CATSPER4: variants seen among roughly 807,000 people sequenced by gnomAD.
CATSPER4 encodes the protein cation channel sperm associated 4, also known as cation channel sperm-associated protein 4.
In CATSPER4, 46 loss-of-function variants were observed where a neutral mutation model predicts 54.4. The ratio of observed to expected loss-of-function variants is 0.84; its 90% CI spans 0.67 to 1.08. The LOEUF (loss-of-function observed/expected upper bound fraction) is 1.08. Ranked by LOEUF, CATSPER4 falls within the 50% of genes least tolerant of loss-of-function variation. The pLI, the probability that CATSPER4 is intolerant of heterozygous loss-of-function variation, is 0.00. For synonymous variants in CATSPER4, 230 were observed against 231.9 expected (o/e 0.99, Z 0.08); for missense variants, 574 against 612.8 (o/e 0.94, Z 0.67).
At chr1:26,194,508 T>G (rs889254794) in intron 3 of CATSPER4, among the ~76,000 whole-genome samples, 1 of 152,244 alleles carries the variant, frequency 6.6e-6, no homozygotes, top group Non-Finnish European at 1.5e-5. Context: ...GTCTCCATGA[T>G]GCTATGCACT....
chr1:26,197,651 C>A (rs372385306), intron 3 of CATSPER4, 35 bp from the exon 4 acceptor site: 192 of 1,511,322 alleles, frequency 1.3e-4, no homozygotes, highest in Non-Finnish European at 1.6e-4. Flanking sequence ...TGGGCTGGGC[C>A]TGACAGACCC....
At position 26,196,300 on chromosome 1, in the gene CATSPER4, G is replaced by A. The variant is rs987463704; in HGVS notation, c.460-1386G>A. On this transcript the variant is annotated intron_variant, in intron 3 of 9. Coordinates refer to ENST00000456354, the MANE Select transcript of CATSPER4 (RefSeq NM_198137.2). ...ACCTGGCCTCATTTTTCTTTTTATAGCTACATAGCTACATAGTATTCCATT... is the reference window on the plus strand; with the variant it reads ...ACCTGGCCTCATTTTTCTTTTTATAACTACATAGCTACATAGTATTCCATT... Among the ~76,000 whole-genome samples the A allele has an allele frequency of 2.0e-5, 3 of 149,802 alleles. No individual in the cohort carries two copies. In the East Asian group the frequency reaches 5.9e-4, roughly 29 times the overall value.
At chr1:26,201,548 T>C (rs1198654828) in intron 9 of CATSPER4, 29 bp downstream of exon 9, 5 of 1,612,362 alleles carry the variant, frequency 3.1e-6, no homozygotes, top group Non-Finnish European at 4.2e-6. Flanking sequence ...ACCCAATGGG[T>C]ACTCGCCCTG....
At chr1:26,195,091 A>G (rs2088922290) in intron 3 of CATSPER4, among the ~76,000 whole-genome samples, 1 of 152,166 alleles carries the variant, frequency 6.6e-6, no homozygotes, top group South Asian at 2.1e-4. Context: ...TTCAAAAAAA[A>G]AGTTTTCTTT....
At chr1:26,196,407 T>C (rs2088939221) in intron 3 of CATSPER4, among the ~76,000 whole-genome samples, 1 of 67,064 alleles carries the variant, frequency 1.5e-5, no homozygotes, top group Admixed American at 1.5e-4. Flanking sequence ...TTTTCCTTTT[T>C]TTTTTTTTTT....
At chr1:26,201,119 G>A in intron 8 of CATSPER4, 78 bp downstream of exon 8, 1 of 1,247,050 alleles carries the variant, frequency 8.0e-7, no homozygotes, top group Non-Finnish European at 1.2e-6. Context: ...CTGGCCTCAC[G>A]CCCTCACCAT....
chr1:26,197,482 T>C (rs373134076), intron 3 of CATSPER4, among the ~76,000 whole-genome samples: 2 of 152,314 alleles, frequency 1.3e-5, no homozygotes, highest in African/African-American at 4.8e-5. Context: ...CATTTGGCTA[T>C]TGACACATGT....
rs185992221 is a variant in CATSPER4, at chr1:26,201,158, G to C, written c.1199+117G>C. 4.9e-4 allele frequency: 493 copies of C among 1,012,994 alleles called. 2 individuals are homozygous for C. The African/African-American group carries it at 7.2e-3, about 15-fold the overall frequency. 62.8% of individuals were successfully genotyped at this position (1,012,994 alleles called of 1,614,324 possible). On this transcript the variant is annotated intron_variant, in intron 8 of 9. Transcript: ENST00000456354. ...TAAGGCAGAGCCTGGGCCCCACAGA[G>C]GTCCCCCACCCTATTGGTGGAGGAA...
At position 26,191,355 on chromosome 1, in the gene CATSPER4, C is replaced by A; in HGVS notation, c.282C>A (p.Phe94Leu). 1 of 1,614,222 alleles carries A rather than the reference C, an allele frequency of 6.2e-7. No individual in the cohort carries two copies. The highest frequency in any genetic ancestry group is 8.5e-7 in the Non-Finnish European group (1 of 1,180,044). The change falls in exon 2 of 10, where the codon TTC (phenylalanine) becomes TTA (leucine). Residue 94 changes from phenylalanine (F) to leucine (L), a missense_variant. By Grantham distance (22) the Phe-to-Leu change is conservative. Coordinates refer to ENST00000456354, the MANE Select transcript of CATSPER4 (RefSeq NM_198137.2). The stretch of plus-strand genomic sequence containing the variant: ...AGCAGCTGCTCCGACACCCCGCCTT[C>A]CAACTGCTGCTGGCCCTGCTGCTGG... The part of the protein sequence containing the change: ...YIKQLLRHPA[F>L]QLLLALLLVI...
intron 8 of CATSPER4, 82 bp from the exon 9 acceptor site, chr1:26,201,272 G>T: frequency 3.4e-6 from 5 of 1,456,658 alleles, no homozygotes; most frequent in Non-Finnish European, 4.8e-6. Context: ...AGAGCGAAGC[G>T]GGGGTGACGC....
In CATSPER4 at chr1:26,200,565, TGGGTAGGGTTTATCA is replaced by T. The variant is rs371033658; in HGVS notation, c.988-260_988-246del. ...GGTAGGCAGGGCTTTATAAATTTGC[TGGGTAGGGTTTATCA>T]GGGTTGAAATCTGGGGCAGGGCTAA... On this transcript the variant is annotated intron_variant, in intron 7 of 9. Coordinates refer to ENST00000456354, the MANE Select transcript of CATSPER4 (RefSeq NM_198137.2). Among the ~76,000 whole-genome samples, 603 of 151,976 alleles carry T rather than the reference TGGGTAGGGTTTATCA, an allele frequency of 4.0e-3. 5 individuals carry two copies. Among genetic ancestry groups the T allele is most frequent in the African/African-American group, 0.014 (569 of 41,440 alleles).
At chr1:26,201,287 G>C (rs1210700821) in intron 8 of CATSPER4, 67 bp from the exon 9 acceptor site, 2 of 1,537,774 alleles carry the variant, frequency 1.3e-6, no homozygotes, top group East Asian at 4.5e-5. Context: ...TGACGCCAGG[G>C]AAGAGGTGGG....
chr1:26,193,316 T>G (rs2088892895), intron 2 of CATSPER4, among the ~76,000 whole-genome samples: 1 of 152,080 alleles, frequency 6.6e-6, no homozygotes, highest in Admixed American at 6.6e-5. Flanking sequence ...TTGGAGTATT[T>G]GGAGAGCTGG....
intron 2 of CATSPER4, 29 bp from the exon 3 acceptor site, chr1:26,193,758 C>T (rs769300057): frequency 1.3e-6 from 2 of 1,487,492 alleles, no homozygotes; most frequent in East Asian, 2.3e-5. Context: ...GACCTCTCTG[C>T]CCCTCTTTTT....
At chr1:26,199,753 G>A (rs983466437) in intron 6 of CATSPER4, 131 bp from the exon 7 acceptor site, 6 of 937,142 alleles carry the variant, frequency 6.4e-6, no homozygotes, top group Non-Finnish European at 9.7e-6. Context: ...GTAGGGAATG[G>A]GATCTGCACA....
At chr1:26,194,341 G>A (rs1557629921) in intron 3 of CATSPER4, among the ~76,000 whole-genome samples, 1 of 152,180 alleles carries the variant, frequency 6.6e-6, no homozygotes, top group Non-Finnish European at 1.5e-5. Flanking sequence ...GGCTGTGTTC[G>A]TGGACACCCA....
chr1:26,197,909 A>C, intron 4 of CATSPER4, 48 bp from the exon 5 acceptor site: 1 of 1,551,654 alleles, frequency 6.4e-7, no homozygotes, highest in Non-Finnish European at 8.7e-7. Context: ...ATGAGGAGGG[A>C]AGGGGCTGGG....
At chr1:26,193,721 G>C (rs760966308) in intron 2 of CATSPER4, 66 bp from the exon 3 acceptor site, 21 of 1,014,956 alleles carry the variant, frequency 2.1e-5, no homozygotes, top group Non-Finnish European at 3.3e-5. Context: ...TCCTCTCCCT[G>C]CCGGCTTGCC....
intron 6 of CATSPER4, 39 bp downstream of exon 6, chr1:26,198,458 G>A (rs1178245196): frequency 1.2e-6 from 2 of 1,613,232 alleles, no homozygotes; most frequent in South Asian, 1.1e-5. Context: ...TCCCACCTAT[G>A]GGGCAGGGTA....
Sources: gnomAD v4.1 joint callset for allele counts (sites outside exome capture counted in the v4.1 genomes callset) on GRCh38, gnomAD v4.1.1 for gene constraint, MANE v1.5 for transcripts, NCBI Gene and HGNC (gene_info 2026-07-23, HGNC 2026-07-21) for gene names.